NUDT3: variants seen among roughly 807,000 people sequenced by gnomAD.
NUDT3 encodes diphosphoinositol polyphosphate phosphohydrolase 1.
In NUDT3, 9 loss-of-function variants were observed where a neutral mutation model predicts 23.6. The ratio of observed to expected loss-of-function variants is 0.38; its 90% CI spans 0.23 to 0.66. The LOEUF is 0.66. Ranked by LOEUF, NUDT3 falls within the 30% of genes least tolerant of loss-of-function variation. The pLI is 0.52. For synonymous variants in NUDT3, 86 were observed against 82.6 expected, an observed-to-expected ratio of 1.04 and a Z score of -0.22; for missense variants, 172 against 218.5, an observed-to-expected ratio of 0.79 and a Z score of 1.34.
chr6:34,344,188 T>C (rs1366746911), intron 1 of NUDT3, among the ~76,000 whole-genome samples: 2 of 152,164 alleles, frequency 1.3e-5, no homozygotes, highest in African/African-American at 4.8e-5. Context: ...ACTCCACTGC[T>C]AGGTATACAA....
intron 2 of NUDT3, among the ~76,000 whole-genome samples, chr6:34,302,927 A>G (rs1763622674): frequency 6.6e-6 from 1 of 152,200 alleles, no homozygotes; most frequent in Non-Finnish European, 1.5e-5. Flanking sequence ...TTGTTAATTT[A>G]TGTACTAATA....
Position 34,293,454 on chromosome 6 carries a change from T to C in NUDT3, c.337A>G (p.Ile113Val). 3 of 1,614,180 alleles carry C rather than the reference T, an allele frequency of 1.9e-6. No homozygotes were observed. Among genetic ancestry groups the C allele is most frequent in the Non-Finnish European group, 2.5e-6 (3 of 1,180,006 alleles). The change falls in exon 4 of 5, where the codon ATT becomes GTT. Residue 113 changes from isoleucine to valine, a missense_variant. By Grantham distance (29) the Ile-to-Val change is conservative. Transcript: ENST00000607016. ...VLEDWEDSVN[I>V]GRKREWFKIE... Reference sequence around the variant, plus strand: ...AGGCTGTCTGGAGATGGCTTACCAATGTTAACTGAATCTTCCCAGTCTTCC... The same window carrying C: ...AGGCTGTCTGGAGATGGCTTACCAACGTTAACTGAATCTTCCCAGTCTTCC...
At chr6:34,334,189 T>C (rs564794065) in intron 2 of NUDT3, among the ~76,000 whole-genome samples, 1 of 152,336 alleles carries the variant, frequency 6.6e-6, no homozygotes, top group Non-Finnish European at 1.5e-5. Flanking sequence ...CTTCCTCACT[T>C]AACTGAGGCA....
chr6:34,343,988 T>C (rs1764327155), intron 1 of NUDT3, among the ~76,000 whole-genome samples: 1 of 152,142 alleles, frequency 6.6e-6, no homozygotes, highest in South Asian at 2.1e-4. Flanking sequence ...AATGAGATAC[T>C]ACTTCACACC....
chr6:34,377,384 A>G (rs375992963), intron 1 of NUDT3, among the ~76,000 whole-genome samples: 5 of 152,196 alleles, frequency 3.3e-5, no homozygotes, highest in East Asian at 3.8e-4. Context: ...AGACTACAAT[A>G]TATGTATTTT....
chr6:34,382,672 T>C (rs1475881188), intron 1 of NUDT3, among the ~76,000 whole-genome samples: 1 of 151,464 alleles, frequency 6.6e-6, no homozygotes, highest in Non-Finnish European at 1.5e-5. Flanking sequence ...CTGTCTCTAC[T>C]AAAAATAAAT....
rs1317456306 is a variant in NUDT3 at position 34,281,166 on chromosome 6, G to T, written c.*7587C>A. The T allele has an allele frequency of 2.6e-5, 4 of 152,212 alleles. No homozygotes were observed. Among genetic ancestry groups the T allele is most frequent in the African/African-American group, 9.7e-5 (4 of 41,436 alleles). The allele number at this position is 152,212 out of a possible 1,614,324, so 9.4% of individuals were successfully genotyped here. ...AGATGAGTGGAGTGGAGGTAATCGT[G>T]AGAAAACTTAAAAACCCTTAAGCTG... On this transcript the variant is annotated 3_prime_UTR_variant, in exon 5 of 5. Transcript: ENST00000607016.
intron 1 of NUDT3, among the ~76,000 whole-genome samples, chr6:34,370,567 G>C (rs1160945297): frequency 6.6e-6 from 1 of 152,188 alleles, no homozygotes. Flanking sequence ...CCAAACAACA[G>C]TGTCTGTCAC....
chr6:34,339,582 A>C (rs967856895), intron 2 of NUDT3, among the ~76,000 whole-genome samples: 1 of 152,232 alleles, frequency 6.6e-6, no homozygotes, highest in Non-Finnish European at 1.5e-5. Flanking sequence ...TTACACTCTG[A>C]GTAGCAAGAG....
intron 1 of NUDT3, among the ~76,000 whole-genome samples, chr6:34,342,607 C>G (rs1172151927): frequency 6.6e-6 from 1 of 152,228 alleles, no homozygotes; most frequent in Non-Finnish European, 1.5e-5. Flanking sequence ...AGCCAGCATT[C>G]TGGTCAGAGT....
At chr6:34,384,507 C>A (rs1038326600) in intron 1 of NUDT3, among the ~76,000 whole-genome samples, 1 of 152,108 alleles carries the variant, frequency 6.6e-6, no homozygotes, top group African/African-American at 2.4e-5. Flanking sequence ...TCTAAGAGTA[C>A]AAACAAGCCC....
Position 34,350,046 on chromosome 6 carries a change from G to A in NUDT3, c.100-8074C>T, listed in dbSNP as rs1046874979. Among the ~76,000 whole-genome samples, 7 of 149,754 alleles carry A rather than the reference G, an allele frequency of 4.7e-5. 1 individual carries two copies. The highest frequency in any genetic ancestry group is 8.9e-5 in the Non-Finnish European group (6 of 67,634). On this transcript the variant is annotated intron_variant, in intron 1 of 4. Transcript: ENST00000607016. ...GGAGCTTGCAGTGAGCCGAGATCGCGCCACTGCACTCCAGCCTGGGCGACA... is the reference window on the plus strand; with the variant it reads ...GGAGCTTGCAGTGAGCCGAGATCGCACCACTGCACTCCAGCCTGGGCGACA...
chr6:34,392,473 G>A lies in NUDT3; in HGVS notation c.-111C>T. 1 of 682,920 alleles carries A rather than the reference G, an allele frequency of 1.5e-6. No individual in the cohort carries two copies. Among genetic ancestry groups the A allele is most frequent in the Non-Finnish European group, 2.4e-6 (1 of 411,222 alleles). 42.3% of individuals were successfully genotyped at this position (682,920 alleles called of 1,614,324 possible). ...CCCCGGCTCGGCCAAGGGAAGCAGG[G>A]AGGGGGAGCTTCTCCGCTACACGGC... is the stretch of plus-strand genomic sequence containing the variant. On this transcript the variant is annotated 5_prime_UTR_variant, in exon 1 of 5. Transcript: ENST00000607016.
intron 1 of NUDT3, among the ~76,000 whole-genome samples, chr6:34,357,812 T>C (rs1160752401): frequency 2.0e-5 from 3 of 152,202 alleles, no homozygotes; most frequent in Middle Eastern, 3.2e-3. Flanking sequence ...TTTTCATTCA[T>C]GTAGGTCCTT....
At chr6:34,336,424 T>A (rs931960658) in intron 2 of NUDT3, among the ~76,000 whole-genome samples, 1 of 152,194 alleles carries the variant, frequency 6.6e-6, no homozygotes, top group African/African-American at 2.4e-5. Flanking sequence ...TAATACTAGA[T>A]TCTTTTTTTT....
intron 1 of NUDT3, among the ~76,000 whole-genome samples, chr6:34,357,276 T>C (rs558985746): frequency 6.6e-6 from 1 of 152,118 alleles, no homozygotes; most frequent in Admixed American, 6.6e-5. Flanking sequence ...GGGTTCACTA[T>C]ACTATTCAGT....
At chr6:34,385,468 A>C (rs572841990) in intron 1 of NUDT3, among the ~76,000 whole-genome samples, 83 of 152,290 alleles carry the variant, frequency 5.5e-4, no homozygotes, top group African/African-American at 1.8e-3. Context: ...TGTAGGGCCA[A>C]GATCTTGTTT....
chr6:34,317,138 G>A (rs1408419032), intron 2 of NUDT3, among the ~76,000 whole-genome samples: 10 of 152,180 alleles, frequency 6.6e-5, no homozygotes, highest in Admixed American at 6.5e-4. Flanking sequence ...GTAACTTAAA[G>A]GATGGACTGC....
intron 1 of NUDT3, among the ~76,000 whole-genome samples, chr6:34,373,194 GCA>G (rs1764861363): frequency 6.6e-6 from 1 of 150,426 alleles, no homozygotes; most frequent in Non-Finnish European, 1.5e-5. Context: ...CAGGAGAATA[GCA>G]TGAACCCAGG....
Sources: gnomAD v4.1 joint callset for allele counts (sites outside exome capture counted in the v4.1 genomes callset) on GRCh38, gnomAD v4.1.1 for gene constraint, MANE v1.5 for transcripts, NCBI Gene and HGNC (gene_info 2026-07-23, HGNC 2026-07-21) for gene names.